CDCP1: variants seen among roughly 807,000 people sequenced by gnomAD.
CDCP1 encodes CUB domain-containing protein 1.
In CDCP1, 29 loss-of-function variants were observed where a neutral mutation model predicts 60.2. That is an observed-to-expected ratio of 0.48 (90% CI 0.36 to 0.66). The LOEUF (loss-of-function observed/expected upper bound fraction) is 0.66. Among genes scored for constraint, CDCP1 ranks in the 30% least tolerant of loss-of-function variants. The pLI is 0.00. For missense variants in CDCP1, 876 were observed against 1,074.3 expected (o/e 0.82, Z 2.58); for synonymous variants, 387 against 431.1 (o/e 0.90, Z 1.27).
chr3:45,137,810 A>AAC (rs1673650270), intron 1 of CDCP1, among the ~76,000 whole-genome samples: 1 of 151,088 alleles, frequency 6.6e-6, no homozygotes, highest in Admixed American at 6.6e-5. Flanking sequence ...ACAGAAAAAA[A>AAC]AAAAAAAAGT....
At chr3:45,103,421 T>C (rs532737651) in intron 4 of CDCP1, among the ~76,000 whole-genome samples, 1 of 152,336 alleles carries the variant, frequency 6.6e-6, no homozygotes, top group East Asian at 1.9e-4. Flanking sequence ...TTTTGACTTT[T>C]ATGGATAAGA....
chr3:45,135,714 A>G (rs914049925), intron 1 of CDCP1, among the ~76,000 whole-genome samples: 4 of 152,146 alleles, frequency 2.6e-5, no homozygotes, highest in Admixed American at 6.5e-5. Flanking sequence ...GGGTTTTGTT[A>G]ATGATGTCCC....
chr3:45,087,104 CTGTT>C (rs55994716), intron 8 of CDCP1, among the ~76,000 whole-genome samples: 11,619 of 152,252 alleles, frequency 0.076, 478 homozygotes, highest in African/African-American at 0.1. Context: ...CTGAAACTGA[CTGTT>C]TATTTGCCTG....
chr3:45,138,973 C>T (rs1028145787), intron 1 of CDCP1, among the ~76,000 whole-genome samples: 1 of 152,204 alleles, frequency 6.6e-6, no homozygotes, highest in African/African-American at 2.4e-5. Flanking sequence ...GCTGCTTCCA[C>T]TCACGGCAGA....
intron 1 of CDCP1, among the ~76,000 whole-genome samples, chr3:45,126,108 C>CTTTCTTTCTCTT (rs1553610965): frequency 1.2e-4 from 13 of 110,078 alleles, no homozygotes; most frequent in African/African-American, 4.1e-4. Flanking sequence ...TTGTCTCTCT[C>CTTTCTTTCTCTT]TCTTTCTTTC....
intron 1 of CDCP1, among the ~76,000 whole-genome samples, chr3:45,146,005 C>G (rs1435004430): frequency 6.6e-6 from 1 of 151,976 alleles, no homozygotes; most frequent in African/African-American, 2.4e-5. Flanking sequence ...AAGGCCCACG[C>G]GCCCGACGCG....
rs1275632759 is a variant in CDCP1 at position 45,093,388 on chromosome 3, G to C, written c.1516C>G (p.Gln506Glu). 6.2e-7 allele frequency: 1 copy of C among 1,614,074 alleles called. No homozygotes were observed. The highest frequency in any genetic ancestry group is 8.5e-7 in the Non-Finnish European group (1 of 1,180,044). The change falls in exon 6 of 9, where the codon CAG becomes GAG. Residue 506 changes from glutamine to glutamate, a missense_variant. Gln to Glu is a conservative substitution (Grantham distance 29). Coordinates refer to ENST00000296129, the MANE Select transcript of CDCP1 (RefSeq NM_022842.5). The part of the protein sequence containing the change: ...GSFCPGGSIK[Q>E]IQVKQNISVT... Reference sequence around the variant, plus strand: ...GAGATGTTCTGCTTCACCTGGATCTGCTTGATAGAGCCTCCCGGGCAGAAG... The same window carrying C: ...GAGATGTTCTGCTTCACCTGGATCTCCTTGATAGAGCCTCCCGGGCAGAAG...
At chr3:45,087,700 G>A (rs1015487003) in intron 8 of CDCP1, among the ~76,000 whole-genome samples, 10 of 152,164 alleles carry the variant, frequency 6.6e-5, no homozygotes, top group African/African-American at 2.4e-4. Context: ...TCAGTTCTTT[G>A]CTCAGGTCCA....
chr3:45,092,209 AAC>A (rs1281709766), intron 6 of CDCP1, among the ~76,000 whole-genome samples: 2 of 152,220 alleles, frequency 1.3e-5, no homozygotes, highest in Non-Finnish European at 2.9e-5. Flanking sequence ...AAACAAAACA[AAC>A]AGGCAAATAA....
intron 4 of CDCP1, among the ~76,000 whole-genome samples, chr3:45,102,631 C>T (rs1698498858): frequency 6.7e-6 from 1 of 148,762 alleles, no homozygotes; most frequent in South Asian, 2.1e-4. Flanking sequence ...ATGGTGAAAC[C>T]CTGTTTCTAC....
chr3:45,133,460 T>C (rs931079287), intron 1 of CDCP1, among the ~76,000 whole-genome samples: 7 of 114,738 alleles, frequency 6.1e-5, no homozygotes, highest in Non-Finnish European at 9.0e-5. Flanking sequence ...GGCTCACGCC[T>C]GTAATCCCAG....
intron 8 of CDCP1, 135 bp from the exon 9 acceptor site, chr3:45,086,202 G>A (rs945857990): frequency 1.3e-6 from 1 of 769,500 alleles, no homozygotes; most frequent in Non-Finnish European, 2.1e-6. Flanking sequence ...AGATTGCTCA[G>A]CATTTGAAAC....
rs1212766868 is a variant in CDCP1, at chr3:45,082,328, C to T, written c.*3310G>A. Reference sequence around the variant, plus strand: ...TATTTCCGGACAAAAACATCTGCTTCACACAGTGCACGGCATCAAATGAAG... The same window carrying T: ...TATTTCCGGACAAAAACATCTGCTTTACACAGTGCACGGCATCAAATGAAG... On this transcript the variant is annotated 3_prime_UTR_variant, in exon 9 of 9. Transcript: ENST00000296129. 1 of 152,218 alleles carries T rather than the reference C, an allele frequency of 6.6e-6. No individual in the cohort carries two copies. Among genetic ancestry groups the T allele is most frequent in the East Asian group, 1.9e-4 (1 of 5,184 alleles). The allele number at this position is 152,218 out of a possible 1,614,324, so 9.4% of individuals were successfully genotyped here. A position where few individuals can be genotyped will look rare whatever the true frequency, so the allele number is the denominator to read the frequency against.
At chr3:45,117,940 G>A (rs1698821233) in intron 2 of CDCP1, among the ~76,000 whole-genome samples, 1 of 152,164 alleles carries the variant, frequency 6.6e-6, no homozygotes, top group Non-Finnish European at 1.5e-5. Flanking sequence ...GGGATTACAG[G>A]TGTGAACCAC....
chr3:45,093,884 C>T (rs1240219038), intron 5 of CDCP1, among the ~76,000 whole-genome samples: 3 of 152,164 alleles, frequency 2.0e-5, no homozygotes, highest in Non-Finnish European at 4.4e-5. Context: ...GGCAAACAAA[C>T]TTCTGGGTAG....
intron 4 of CDCP1, among the ~76,000 whole-genome samples, chr3:45,098,000 C>T (rs1209394208): frequency 6.6e-6 from 1 of 152,082 alleles, no homozygotes; most frequent in Non-Finnish European, 1.5e-5. Flanking sequence ...TCAAAACTCA[C>T]CTTCATTGTT....
chr3:45,106,086 CA>C (rs1426396836), intron 4 of CDCP1, among the ~76,000 whole-genome samples: 1 of 152,226 alleles, frequency 6.6e-6, no homozygotes, highest in Non-Finnish European at 1.5e-5. Context: ...ATACTCCCTA[CA>C]GGAGTTCTCT....
intron 3 of CDCP1, 49 bp from the exon 4 acceptor site, chr3:45,110,890 C>G: frequency 1.9e-6 from 3 of 1,563,868 alleles, no homozygotes; most frequent in Non-Finnish European, 1.7e-6. Flanking sequence ...CCATTAGACC[C>G]TGTCCTGGTT....
At chr3:45,121,223 A>T (rs993434085) in intron 1 of CDCP1, among the ~76,000 whole-genome samples, 1 of 152,214 alleles carries the variant, frequency 6.6e-6, no homozygotes, top group African/African-American at 2.4e-5. Flanking sequence ...GAGAGAATAT[A>T]TTCTCAGGGG....
Sources: allele counts gnomAD v4.1 joint callset (sites outside exome capture counted in the v4.1 genomes callset), GRCh38; gene constraint gnomAD v4.1.1; transcripts MANE v1.5; gene names NCBI Gene and HGNC (gene_info 2026-07-23, HGNC 2026-07-21).